NAPA: variants seen among roughly 807,000 people sequenced by gnomAD.
The protein encoded by NAPA is alpha-soluble NSF attachment protein.
Under a neutral mutation model 48.0 loss-of-function variants are expected in NAPA, and 18 were observed. The ratio of observed to expected loss-of-function variants is 0.38; its 90% CI spans 0.26 to 0.56. The LOEUF (loss-of-function observed/expected upper bound fraction) is 0.56, where lower values mean the gene tolerates loss of function less well. Among genes scored for constraint, NAPA ranks in the 20% least tolerant of loss-of-function variants. The pLI, the probability that NAPA is intolerant of heterozygous loss-of-function variation, is 0.77. For missense variants in NAPA, 315 were observed against 385.0 expected, an observed-to-expected ratio of 0.82 and a Z score of 1.52; for synonymous variants, 152 against 149.9, an observed-to-expected ratio of 1.01 and a Z score of -0.10.
chr19:47,488,581 C>T lies in NAPA; in HGVS notation c.787-192G>A, dbSNP rs529368652. On this transcript the variant is annotated intron_variant, in intron 10 of 10. Coordinates refer to ENST00000263354, the MANE Select transcript of NAPA (RefSeq NM_003827.4). Reference sequence around the variant, plus strand: ...TTGTCTGTCTTGACTATGCTGGGCACATCATTTCCCTTGGGGGAGAAAGAT... The same window carrying T: ...TTGTCTGTCTTGACTATGCTGGGCATATCATTTCCCTTGGGGGAGAAAGAT... The T allele has an allele frequency of 1.8e-4, 73 of 410,830 alleles. 1 individual carries two copies. The South Asian group carries it at 3.9e-3, about 22-fold the overall frequency. 25.4% of individuals were successfully genotyped at this position (410,830 alleles called of 1,614,324 possible).
intron 3 of NAPA, chr19:47,497,508 A>G (rs1453604964): frequency 6.6e-6 from 1 of 152,546 alleles, no homozygotes. Flanking sequence ...TGACACACTC[A>G]TGACTGCTAC....
intron 1 of NAPA, among the ~76,000 whole-genome samples, chr19:47,509,340 AAAATAAAAT>A (rs1555762260): frequency 7.3e-4 from 94 of 128,746 alleles, no homozygotes; most frequent in Middle Eastern, 4.3e-3. Context: ...AAAATAAAAT[AAAATAAAAT>A]AAATAAAATA....
intron 3 of NAPA, 124 bp downstream of exon 3, chr19:47,500,509 C>T (rs1968548475): frequency 1.4e-6 from 1 of 717,272 alleles, no homozygotes. Context: ...AGGCACGCCC[C>T]TGCCAGCCTA....
Position 47,511,820 on chromosome 19 carries a change from G to A in NAPA, c.98+3023C>T, listed in dbSNP as rs117847848. ...CCCAGGCCAGGGTCTGAGTCAGAGC[G>A]AGCACTTAATAACCAGCATCTGCTA... On this transcript the variant is annotated intron_variant, in intron 1 of 10. Transcript: ENST00000263354. 1.1e-3 allele frequency among the ~76,000 whole-genome samples: 167 copies of A among 152,312 alleles called. No individual in the cohort carries two copies. In the Middle Eastern group the frequency reaches 0.014, roughly 12 times the overall value.
intron 1 of NAPA, among the ~76,000 whole-genome samples, chr19:47,511,246 C>T (rs1020697859): frequency 6.6e-6 from 1 of 152,216 alleles, no homozygotes; most frequent in African/African-American, 2.4e-5. Flanking sequence ...TGAACACAAG[C>T]AAACCCAGAT....
At position 47,505,909 on chromosome 19, in the gene NAPA, G is replaced by T. The variant is rs530713711; in HGVS notation, c.99-2407C>A. Reference sequence around the variant, plus strand: ...TGGCCCTGAGCAATGTGTTCTTCCCGCACTCGCCCTGCTGCACTCTGTCTT... The same window carrying T: ...TGGCCCTGAGCAATGTGTTCTTCCCTCACTCGCCCTGCTGCACTCTGTCTT... On this transcript the variant is annotated intron_variant, in intron 1 of 10. Transcript: ENST00000263354. Among the ~76,000 whole-genome samples, 4 of 151,660 alleles carry T rather than the reference G, an allele frequency of 2.6e-5. No homozygotes were observed. In the South Asian group the frequency reaches 8.3e-4, roughly 32 times the overall value.
At position 47,488,346 on chromosome 19, in the gene NAPA, G is replaced by A. The variant is rs575896289; in HGVS notation, c.830C>T (p.Thr277Ile). ...DSISRLDQWLTTMLLRIKKTI... is the reference protein window; with the variant it reads ...DSISRLDQWLITMLLRIKKTI... ...CTTCTTGATGCGCAGCAGCATGGTGGTGAGCCACTGGTCCAGCCGGGAGAT... is the reference window on the plus strand; with the variant it reads ...CTTCTTGATGCGCAGCAGCATGGTGATGAGCCACTGGTCCAGCCGGGAGAT... The change falls in exon 11 of 11, where the codon ACC becomes ATC. Residue 277 changes from threonine to isoleucine, a missense_variant. Coordinates refer to ENST00000263354, the MANE Select transcript of NAPA (RefSeq NM_003827.4). 2.5e-6 allele frequency: 4 copies of A among 1,613,644 alleles called. No homozygotes were observed. In the South Asian group the frequency reaches 3.3e-5, roughly 13 times the overall value.
chr19:47,499,250 A>G (rs1038984875), intron 3 of NAPA, among the ~76,000 whole-genome samples: 10 of 152,046 alleles, frequency 6.6e-5, no homozygotes, highest in Admixed American at 4.6e-4. Context: ...AGCAAATGGC[A>G]CTCTCTGTTC....
At chr19:47,492,810 G>A in intron 7 of NAPA, 151 bp downstream of exon 7, 2 of 748,800 alleles carry the variant, frequency 2.7e-6, no homozygotes, top group East Asian at 2.7e-5. Context: ...CTGAAGACAG[G>A]GTGGGGGGAT....
chr19:47,514,344 G>A (rs1456718664), intron 1 of NAPA, among the ~76,000 whole-genome samples: 1 of 152,062 alleles, frequency 6.6e-6, no homozygotes, highest in Non-Finnish European at 1.5e-5. Flanking sequence ...TCCAGGGGTT[G>A]AAAAGGTCAG....
At chr19:47,498,215 TGAG>T (rs888073752) in intron 3 of NAPA, among the ~76,000 whole-genome samples, 10 of 152,256 alleles carry the variant, frequency 6.6e-5, no homozygotes, top group African/African-American at 2.2e-4. Flanking sequence ...TCTAGGCTGC[TGAG>T]GAGACCAGTG....
intron 1 of NAPA, among the ~76,000 whole-genome samples, chr19:47,508,369 TC>T (rs1392683511): frequency 6.6e-6 from 1 of 152,134 alleles, no homozygotes; most frequent in Non-Finnish European, 1.5e-5. Context: ...ACCAGCTGCC[TC>T]CCGCCACTCT....
intron 1 of NAPA, among the ~76,000 whole-genome samples, chr19:47,509,288 TAAAAATAAAA>T (rs1968755213): frequency 2.5e-5 from 3 of 119,352 alleles, no homozygotes; most frequent in Admixed American, 2.0e-4. Context: ...CTTGTGGTGG[TAAAAATAAAA>T]TAAAATAAAA....
intron 3 of NAPA, 79 bp from the exon 4 acceptor site, chr19:47,495,675 AGGCGCACCTGGCT>A: frequency 7.2e-7 from 1 of 1,397,848 alleles, no homozygotes; most frequent in Non-Finnish European, 1.0e-6. Flanking sequence ...AGGCGGACGC[AGGCGCACCTGGCT>A]GCCAGCAGAG....
rs115377100 is a variant in NAPA at position 47,491,938 on chromosome 19, G to A, written c.666+77C>T. The A allele has an allele frequency of 5.9e-3, 7,747 of 1,322,838 alleles. 121 individuals are homozygous for A. Among genetic ancestry groups the A allele is most frequent in the African/African-American group, 0.042 (2,889 of 69,410 alleles). The allele number at this position is 1,322,838 out of a possible 1,614,324, so 81.9% of individuals were successfully genotyped here. A position where few individuals can be genotyped will look rare whatever the true frequency, so the allele number is the denominator to read the frequency against. On this transcript the variant is annotated intron_variant, in intron 8 of 10. Transcript: ENST00000263354. ...GTGAGGGAGGAGCACGTCCCTCTTC[G>A]GGGGCAACGGGACCTGGCCTGGAGA...
chr19:47,485,599 C>T (rs181026876), downstream of NAPA, among the ~76,000 whole-genome samples: 5 of 152,340 alleles, frequency 3.3e-5, no homozygotes, highest in South Asian at 2.1e-4. Context: ...ATCGCCTGTA[C>T]CTGGAACACA....
intron 2 of NAPA, 60 bp from the exon 3 acceptor site, chr19:47,500,809 CAG>C: frequency 1.5e-6 from 2 of 1,313,640 alleles, no homozygotes; most frequent in South Asian, 2.8e-5. Flanking sequence ...TATGAAGCCA[CAG>C]AGACACTGCC....
At chr19:47,512,421 C>T (rs1055898767) in intron 1 of NAPA, among the ~76,000 whole-genome samples, 2 of 152,188 alleles carry the variant, frequency 1.3e-5, no homozygotes, top group African/African-American at 4.8e-5. Context: ...CCCCTCCTTA[C>T]AGTAGGTAAT....
chr19:47,514,689 C>A (rs1159615801), intron 1 of NAPA, among the ~76,000 whole-genome samples, 154 bp downstream of exon 1: 2 of 152,180 alleles, frequency 1.3e-5, no homozygotes, highest in Non-Finnish European at 2.9e-5. Context: ...CCTCAGCCTG[C>A]GTCCCCTCTG....
Sources: gnomAD v4.1 joint callset for allele counts (sites outside exome capture counted in the v4.1 genomes callset) on GRCh38, gnomAD v4.1.1 for gene constraint, MANE v1.5 for transcripts, NCBI Gene and HGNC (gene_info 2026-07-23, HGNC 2026-07-21) for gene names.